DEPDC5: variants seen among roughly 807,000 people sequenced by gnomAD.
DEPDC5 encodes GATOR1 complex protein DEPDC5.
A neutral mutation model predicts 217.3 loss-of-function variants in DEPDC5; 73 were observed. The ratio of observed to expected loss-of-function variants is 0.34; its 90% CI spans 0.28 to 0.41. The LOEUF is 0.41. DEPDC5 is among the 10% of genes least tolerant of loss of function. The probability of loss-of-function intolerance (pLI) is 1.00; values close to 1 mark genes in which losing one functional copy is unlikely to be tolerated. For synonymous variants in DEPDC5, 733 were observed against 756.7 expected (o/e 0.97, Z 0.51); for missense variants, 1,675 against 2,070.1 (o/e 0.81, Z 3.70).
rs577472149 is a variant in DEPDC5 at position 31,759,829 on chromosome 22, T to G, written c.147-827T>G. On this transcript the variant is annotated intron_variant, in intron 3 of 42. Transcript: ENST00000651528. Reference sequence around the variant, plus strand: ...TGTCGAGTAGCTGGAACTACAGGTGTGGGCCACCACACCTGGCTAATTTTT... The same window carrying G: ...TGTCGAGTAGCTGGAACTACAGGTGGGGGCCACCACACCTGGCTAATTTTT... Among the ~76,000 whole-genome samples, 28 of 151,080 alleles carry G rather than the reference T, an allele frequency of 1.9e-4. No individual in the cohort carries two copies. The South Asian group carries it at 5.9e-3, about 32-fold the overall frequency.
At chr22:31,787,364 A>G (rs2085112600) in intron 10 of DEPDC5, among the ~76,000 whole-genome samples, 2 of 152,166 alleles carry the variant, frequency 1.3e-5, no homozygotes, top group Admixed American at 1.3e-4. Flanking sequence ...GATTACAGAT[A>G]GAACCACCAT....
At chr22:31,834,316 C>G in intron 25 of DEPDC5, 1 of 264,244 alleles carries the variant, frequency 3.8e-6, no homozygotes, top group Non-Finnish European at 7.3e-6. Context: ...ACATAATAGG[C>G]TGTTAACTGG....
At chr22:31,797,733 C>A in intron 13 of DEPDC5, 30 bp downstream of exon 13, 1 of 1,553,394 alleles carries the variant, frequency 6.4e-7, no homozygotes, top group Non-Finnish European at 8.9e-7. Flanking sequence ...GATGGTGCGG[C>A]GGGGAAAGGA....
intron 4 of DEPDC5, among the ~76,000 whole-genome samples, 197 bp downstream of exon 4, chr22:31,760,899 T>C (rs2082332266): frequency 6.6e-6 from 1 of 152,164 alleles, no homozygotes; most frequent in Non-Finnish European, 1.5e-5. Context: ...GGGATTGGGC[T>C]TCTATTGTAT....
intron 3 of DEPDC5, 99 bp from the exon 4 acceptor site, chr22:31,760,557 G>C: frequency 9.7e-7 from 1 of 1,030,492 alleles, no homozygotes; most frequent in African/African-American, 1.6e-5. Flanking sequence ...GTAAGTCACA[G>C]AATGGCCAGA....
At chr22:31,894,115 A>C (rs1201507157) in intron 39 of DEPDC5, 1 of 159,106 alleles carries the variant, frequency 6.3e-6, no homozygotes, top group Non-Finnish European at 1.4e-5. Context: ...ACATGTCCCC[A>C]GGAAGGGGGA....
intron 24 of DEPDC5, among the ~76,000 whole-genome samples, chr22:31,831,551 G>A (rs967876688): frequency 1.3e-5 from 2 of 151,896 alleles, no homozygotes; most frequent in Non-Finnish European, 1.5e-5. Flanking sequence ...TCAGCCTCCC[G>A]GGTTCAAGTG....
At chr22:31,771,149 C>CT (rs749829808) in intron 7 of DEPDC5, among the ~76,000 whole-genome samples, 45 of 152,186 alleles carry the variant, frequency 3.0e-4, no homozygotes, top group Non-Finnish European at 5.3e-4. Context: ...ATTTTCTTTC[C>CT]TTTTTTTGGT....
chr22:31,798,702 G>T, intron 14 of DEPDC5, 46 bp downstream of exon 14: 1 of 1,583,298 alleles, frequency 6.3e-7, no homozygotes, highest in Non-Finnish European at 8.6e-7. Context: ...CCTACCACAT[G>T]GCTATGTTAC....
chr22:31,842,264 G>A (rs894845692), intron 27 of DEPDC5, among the ~76,000 whole-genome samples: 2 of 152,204 alleles, frequency 1.3e-5, no homozygotes, highest in African/African-American at 4.8e-5. Flanking sequence ...GGTGGCCCAG[G>A]AAGAGAATGC....
chr22:31,822,623 G>A, intron 23 of DEPDC5, 70 bp from the exon 24 acceptor site: 1 of 1,492,118 alleles, frequency 6.7e-7, no homozygotes. Flanking sequence ...CCACCCCCGG[G>A]ATATAGGTGA....
At chr22:31,758,074 T>C (rs1430585762) in intron 2 of DEPDC5, among the ~76,000 whole-genome samples, 1 of 152,198 alleles carries the variant, frequency 6.6e-6, no homozygotes, top group Non-Finnish European at 1.5e-5. Flanking sequence ...TCTCTGAGGT[T>C]ATTTTCTTAC....
intron 7 of DEPDC5, 151 bp from the exon 8 acceptor site, chr22:31,777,948 A>AT: frequency 9.4e-6 from 7 of 746,178 alleles, no homozygotes; most frequent in Non-Finnish European, 1.6e-5. Context: ...GGGTTTCACC[A>AT]TGTTGTCCAG....
chr22:31,855,034 G>A (rs985568215), intron 31 of DEPDC5, among the ~76,000 whole-genome samples: 2 of 149,256 alleles, frequency 1.3e-5, no homozygotes, highest in Admixed American at 6.8e-5. Context: ...GCACAATCTC[G>A]GCTCACTGCA....
rs1182176571 is a variant in DEPDC5, at chr22:31,845,250, TAGACTC to T, written c.3021+16_3021+21del. 13 of 1,609,878 alleles carry T rather than the reference TAGACTC, an allele frequency of 8.1e-6. No homozygotes were observed. The highest frequency in any genetic ancestry group is 1.0e-5 in the Non-Finnish European group (12 of 1,178,156). On this transcript the variant is annotated intron_variant, in intron 30 of 42. Transcript: ENST00000651528. ...TCGCATGATGCGGGTAAGGGCTCCTTAGACTCAGGGAGTGCGCCTGGTGTGAGATGC... is the reference window on the plus strand; with the variant it reads ...TCGCATGATGCGGGTAAGGGCTCCTTAGGGAGTGCGCCTGGTGTGAGATGC...
chr22:31,764,760 C>T (rs1601632128), intron 4 of DEPDC5, among the ~76,000 whole-genome samples: 1 of 152,104 alleles, frequency 6.6e-6, no homozygotes. Context: ...CTCCCTTTTT[C>T]TCTCCATTTT....
intron 7 of DEPDC5, among the ~76,000 whole-genome samples, chr22:31,770,806 T>C (rs2083283887): frequency 6.6e-6 from 1 of 150,598 alleles, no homozygotes; most frequent in African/African-American, 2.4e-5. Context: ...TTTTTTTTTT[T>C]TTTGAGACAA....
intron 18 of DEPDC5, 22 bp from the exon 19 acceptor site, chr22:31,809,585 GATTA>G (rs2088000725): frequency 3.7e-6 from 6 of 1,613,166 alleles, no homozygotes; most frequent in Non-Finnish European, 5.1e-6. Flanking sequence ...AGGAAGGAGT[GATTA>G]ATTATCTATT....
intron 14 of DEPDC5, among the ~76,000 whole-genome samples, chr22:31,800,393 GC>G (rs1359187612): frequency 6.6e-6 from 1 of 151,974 alleles, no homozygotes; most frequent in Non-Finnish European, 1.5e-5. Flanking sequence ...AGGTGATGAT[GC>G]CCCCACTCAC....
Sources: allele counts gnomAD v4.1 joint callset (sites outside exome capture counted in the v4.1 genomes callset), GRCh38; gene constraint gnomAD v4.1.1; transcripts MANE v1.5; gene names NCBI Gene and HGNC (gene_info 2026-07-23, HGNC 2026-07-21).